The following YEATS2 variants were observed in gnomAD, a reference collection of about 807,000 sequenced individuals.
YEATS2 encodes the protein YEATS domain containing 2, also known as YEATS domain-containing protein 2.
Under a neutral mutation model 163.2 loss-of-function variants are expected in YEATS2, and 77 were observed. The ratio of observed to expected loss-of-function variants is 0.47; its 90% CI spans 0.39 to 0.57. YEATS2 has a LOEUF of 0.57. Ranked by LOEUF, YEATS2 falls within the 20% of genes least tolerant of loss-of-function variation. The probability of loss-of-function intolerance (pLI) is 0.00; values close to 1 mark genes in which losing one functional copy is unlikely to be tolerated. For synonymous variants in YEATS2, 631 were observed against 645.1 expected, an observed-to-expected ratio of 0.98 and a Z score of 0.33; for missense variants, 1,549 against 1,729.8, an observed-to-expected ratio of 0.90 and a Z score of 1.85.
chr3:183,808,013 T>C lies in YEATS2; in HGVS notation c.4012-17T>C, dbSNP rs1343569059. The C allele has an allele frequency of 1.9e-6, 3 of 1,554,756 alleles. No individual in the cohort carries two copies. The South Asian group carries it at 3.6e-5, about 18-fold the overall frequency. ...AAAGCAGCGATACGAACAAACGGCT[T>C]TCTTCTGCTTTTCCAGATTGGGATC... is the stretch of plus-strand genomic sequence containing the variant. On this transcript the variant is annotated splice_polypyrimidine_tract_variant and intron_variant, in intron 28 of 30. Transcript: ENST00000305135.
intron 1 of YEATS2, among the ~76,000 whole-genome samples, chr3:183,712,950 G>A (rs1000830723): frequency 9.9e-5 from 15 of 151,782 alleles, no homozygotes; most frequent in African/African-American, 2.2e-4. Context: ...TAGTGGAGAC[G>A]GGGTTTCACC....
rs1724766578 is a variant in YEATS2 at position 183,792,618 on chromosome 3, A to G, written c.3097+1638A>G. On this transcript the variant is annotated intron_variant, in intron 21 of 30. Transcript: ENST00000305135. ...CTGCAACCTCTGCTTCCCGGGTTCA[A>G]GCGATTCTCCTGCCTCAGCTTCCCG... Among the ~76,000 whole-genome samples the G allele has an allele frequency of 2.6e-5, 4 of 152,224 alleles. No homozygotes were observed. In the South Asian group the frequency reaches 8.3e-4, roughly 32 times the overall value.
intron 17 of YEATS2, among the ~76,000 whole-genome samples, chr3:183,775,558 G>C (rs779660162): frequency 5.9e-5 from 9 of 152,218 alleles, no homozygotes; most frequent in Non-Finnish European, 1.3e-4. Flanking sequence ...TCTTGCCATT[G>C]CACTCCAGCC....
intron 8 of YEATS2, among the ~76,000 whole-genome samples, chr3:183,742,983 A>C (rs1372673397): frequency 1.3e-5 from 2 of 152,216 alleles, no homozygotes; most frequent in Admixed American, 6.5e-5. Flanking sequence ...AGTATTTTTA[A>C]ATTAAGTTAT....
chr3:183,803,108 C>T (rs1275481900), intron 25 of YEATS2, 148 bp from the exon 26 acceptor site: 1 of 749,194 alleles, frequency 1.3e-6, no homozygotes, highest in Non-Finnish European at 2.2e-6. Context: ...AGACGCCCTC[C>T]TGTGTTAGGC....
At chr3:183,789,872 G>A (rs975766624) in intron 20 of YEATS2, among the ~76,000 whole-genome samples, 1 of 152,050 alleles carries the variant, frequency 6.6e-6, no homozygotes, top group Non-Finnish European at 1.5e-5. Context: ...GTGTGAGGTA[G>A]ACACCAAACT....
chr3:183,759,324 T>G (rs559546406), intron 13 of YEATS2, among the ~76,000 whole-genome samples: 2 of 152,240 alleles, frequency 1.3e-5, no homozygotes, highest in Non-Finnish European at 2.9e-5. Context: ...CTTGGATCTT[T>G]TCATAGTGTC....
At position 183,752,576 on chromosome 3, in the gene YEATS2, G is replaced by C. The variant is rs186478026; in HGVS notation, c.1150+323G>C. 5.7e-3 allele frequency among the ~76,000 whole-genome samples: 859 copies of C among 151,508 alleles called. 36 individuals carry two copies. The highest frequency in any genetic ancestry group is 0.052 in the Admixed American group (796 of 15,220). ...TACAAAAATTTAGCTGGGTGTGATG[G>C]TGGGTGCCTGTAGTCCCAGCTACTC... is the stretch of plus-strand genomic sequence containing the variant. On this transcript the variant is annotated intron_variant, in intron 10 of 30. Transcript: ENST00000305135.
rs1173289012 is a variant in YEATS2, at chr3:183,733,904, T to C, written c.813-2814T>C. ...GATATGTGCTAGGCTCAGGGCGTGATAAAGGGACTGTGAAGATGAGCACGG... is the reference window on the plus strand; with the variant it reads ...GATATGTGCTAGGCTCAGGGCGTGACAAAGGGACTGTGAAGATGAGCACGG... On this transcript the variant is annotated intron_variant, in intron 7 of 30. Transcript: ENST00000305135. 2.0e-5 allele frequency among the ~76,000 whole-genome samples: 3 copies of C among 152,072 alleles called. No individual in the cohort carries two copies. The East Asian group carries it at 5.8e-4, about 29-fold the overall frequency.
At chr3:183,784,747 C>G (rs1273134065) in intron 19 of YEATS2, among the ~76,000 whole-genome samples, 1 of 151,236 alleles carries the variant, frequency 6.6e-6, no homozygotes, top group Non-Finnish European at 1.5e-5. Context: ...GTCCTACGGC[C>G]TGAAAGCCAA....
At chr3:183,787,003 G>A (rs772412719) in intron 20 of YEATS2, among the ~76,000 whole-genome samples, 3 of 152,108 alleles carry the variant, frequency 2.0e-5, no homozygotes, top group Non-Finnish European at 4.4e-5. Flanking sequence ...TCACCAGGCT[G>A]GAGTGCAGTG....
intron 7 of YEATS2, among the ~76,000 whole-genome samples, chr3:183,730,682 G>C (rs1182519177): frequency 6.6e-6 from 1 of 152,142 alleles, no homozygotes; most frequent in Non-Finnish European, 1.5e-5. Flanking sequence ...CAGCCTCAAA[G>C]GAGTTGAGGC....
intron 15 of YEATS2, among the ~76,000 whole-genome samples, chr3:183,770,694 AATAC>A (rs2109414313): frequency 6.6e-6 from 1 of 152,332 alleles, no homozygotes; most frequent in South Asian, 2.1e-4. Context: ...TTATTACATG[AATAC>A]ATAGTCATAG....
intron 27 of YEATS2, 119 bp downstream of exon 27, chr3:183,804,307 C>A: frequency 2.4e-6 from 3 of 1,238,254 alleles, no homozygotes; most frequent in Non-Finnish European, 2.2e-6. Flanking sequence ...CTACCTCCTG[C>A]CGTGTCCTTC....
Position 183,811,723 on chromosome 3 carries a change from C to T in YEATS2, c.*1140C>T, listed in dbSNP as rs890737214. The T allele has an allele frequency of 1.2e-4, 18 of 152,282 alleles. No homozygotes were observed. The highest frequency in any genetic ancestry group is 4.3e-4 in the African/African-American group (18 of 41,428). 9.4% of individuals were successfully genotyped at this position (152,282 alleles called of 1,614,324 possible). A position where few individuals can be genotyped will look rare whatever the true frequency, so the allele number is the denominator to read the frequency against. Reference sequence around the variant, plus strand: ...GTGCCCGGGTCTATTGGAGGCGCCCCATCTCAGACTTCCTAACACAGCCTG... The same window carrying T: ...GTGCCCGGGTCTATTGGAGGCGCCCTATCTCAGACTTCCTAACACAGCCTG... On this transcript the variant is annotated 3_prime_UTR_variant, in exon 31 of 31. Coordinates refer to ENST00000305135, the MANE Select transcript of YEATS2 (RefSeq NM_018023.5).
chr3:183,707,400 T>C (rs1714720620), intron 1 of YEATS2, among the ~76,000 whole-genome samples: 1 of 152,182 alleles, frequency 6.6e-6, no homozygotes, highest in Non-Finnish European at 1.5e-5. Context: ...GCATCAAGAG[T>C]TCATTGAGTA....
chr3:183,782,134 A>AC (rs1206578648), intron 19 of YEATS2, among the ~76,000 whole-genome samples: 34 of 151,934 alleles, frequency 2.2e-4, no homozygotes, highest in African/African-American at 8.0e-4. Flanking sequence ...TTTGAGACAG[A>AC]GTTTCGCTCT....
At chr3:183,714,909 ATTTC>A (rs1478733992) in intron 1 of YEATS2, among the ~76,000 whole-genome samples, 1 of 148,434 alleles carries the variant, frequency 6.7e-6, no homozygotes, top group African/African-American at 2.5e-5. Context: ...GATGATTATG[ATTTC>A]TTTTTTTTTT....
chr3:183,710,269 G>A (rs1032478852), intron 1 of YEATS2, among the ~76,000 whole-genome samples: 2 of 152,134 alleles, frequency 1.3e-5, no homozygotes, highest in Non-Finnish European at 2.9e-5. Flanking sequence ...AAATCTACAA[G>A]TCAGACAAGA....
Sources: allele counts gnomAD v4.1 joint callset (sites outside exome capture counted in the v4.1 genomes callset), GRCh38; gene constraint gnomAD v4.1.1; transcripts MANE v1.5; gene names NCBI Gene and HGNC (gene_info 2026-07-23, HGNC 2026-07-21).